Variants in KLHL29 observed in about 807,000 individuals in gnomAD.
The protein encoded by KLHL29 is kelch like family member 29.
KLHL29 carries 21 observed loss-of-function variants against 80.4 expected under a neutral mutation model. The observed-to-expected ratio is 0.26, with a 90% CI of 0.19 to 0.38. The LOEUF is 0.38. Ranked by LOEUF, KLHL29 falls within the 10% of genes least tolerant of loss-of-function variation. The pLI is 1.00. For synonymous variants in KLHL29, 511 were observed against 526.8 expected (o/e 0.97, Z 0.41); for missense variants, 867 against 1,223.9 (o/e 0.71, Z 4.35).
chr2:23,594,990 A>G (rs1190247715), intron 3 of KLHL29, among the ~76,000 whole-genome samples: 1 of 152,200 alleles, frequency 6.6e-6, no homozygotes, highest in African/African-American at 2.4e-5. Context: ...CACATAAATA[A>G]TATAGTTTTT....
intron 2 of KLHL29, among the ~76,000 whole-genome samples, chr2:23,555,890 G>A (rs1019177630): frequency 3.9e-5 from 6 of 152,252 alleles, no homozygotes; most frequent in Admixed American, 1.3e-4. Context: ...AGAGCTGGTG[G>A]ATGTGGCATT....
chr2:23,591,077 C>T (rs186377158), intron 3 of KLHL29, among the ~76,000 whole-genome samples: 154 of 152,204 alleles, frequency 1.0e-3, no homozygotes, highest in African/African-American at 3.4e-3. Context: ...AGCGCCAGGC[C>T]GGAAGGTGGG....
chr2:23,591,790 C>T (rs1253967538), intron 3 of KLHL29, among the ~76,000 whole-genome samples: 5 of 152,218 alleles, frequency 3.3e-5, no homozygotes, highest in African/African-American at 1.2e-4. Context: ...TTCCTCGTCG[C>T]GTTCCAACCT....
At chr2:23,564,717 G>A (rs1667545208) in intron 3 of KLHL29, among the ~76,000 whole-genome samples, 1 of 152,256 alleles carries the variant, frequency 6.6e-6, no homozygotes, top group African/African-American at 2.4e-5. Flanking sequence ...CCCGGGCCCA[G>A]GTATTTGCGG....
chr2:23,486,170 TA>T (rs1664928277), intron 2 of KLHL29, among the ~76,000 whole-genome samples: 1 of 152,122 alleles, frequency 6.6e-6, no homozygotes, highest in Non-Finnish European at 1.5e-5. Context: ...CAGTTCTCCA[TA>T]GGCCACAGCA....
rs757870784 is a variant in KLHL29, at chr2:23,642,745, C to T, written c.835C>T (p.Pro279Ser). 7.7e-6 allele frequency: 12 copies of T among 1,550,100 alleles called. No homozygotes were observed. In the Admixed American group the frequency reaches 9.8e-5, roughly 13 times the overall value. Residue 279 changes from proline to serine, a missense_variant, in exon 5 of 14, where the codon CCT becomes TCT. By Grantham distance (74) the Pro-to-Ser change is moderately conservative. Around this residue, in one of 2 missense-constraint regions of KLHL29, gnomAD observed 424 missense variants for 456.9 expected, o/e 0.93. Coordinates refer to ENST00000486442, the MANE Select transcript of KLHL29 (RefSeq NM_052920.2). ...QPSATLPSGA[P>S]ATNGPPTTDS... ...GTCCGCCACTCTCCCCAGTGGTGCC[C>T]CTGCCACCAATGGGCCCCCCACAAC...
intron 5 of KLHL29, among the ~76,000 whole-genome samples, chr2:23,678,005 C>G (rs750742961): frequency 6.6e-6 from 1 of 152,228 alleles, no homozygotes; most frequent in Non-Finnish European, 1.5e-5. Flanking sequence ...TTCTCTGCTG[C>G]AAAGCCACTG....
At chr2:23,658,908 G>C (rs1031906353) in intron 5 of KLHL29, among the ~76,000 whole-genome samples, 2 of 152,174 alleles carry the variant, frequency 1.3e-5, no homozygotes, top group Non-Finnish European at 2.9e-5. Flanking sequence ...CGGTTTTCTG[G>C]TCAGAATTCG....
At chr2:23,633,707 A>G (rs1263546911) in intron 3 of KLHL29, among the ~76,000 whole-genome samples, 1 of 149,468 alleles carries the variant, frequency 6.7e-6, no homozygotes, top group Non-Finnish European at 1.5e-5. Context: ...TAGGCCCAGG[A>G]CTGGCATAGT....
At chr2:23,650,780 A>G (rs1181922949) in intron 5 of KLHL29, among the ~76,000 whole-genome samples, 1 of 152,200 alleles carries the variant, frequency 6.6e-6, no homozygotes, top group Admixed American at 6.5e-5. Context: ...CTATTTAAAC[A>G]TCTGGCATCT....
rs6727860 is a variant in KLHL29, at chr2:23,509,177, T to G, written c.-46+33510T>G. 6.4e-3 allele frequency among the ~76,000 whole-genome samples: 972 copies of G among 152,282 alleles called. 12 individuals are homozygous for G. The highest frequency in any genetic ancestry group is 0.022 in the African/African-American group (915 of 41,556). ...AAGGGCTCAGGGCAGGAGCAGATGC[T>G]TCAGGCACCCGGGAAGACTGCGGCT... is the stretch of plus-strand genomic sequence containing the variant. On this transcript the variant is annotated intron_variant, in intron 2 of 13. Transcript: ENST00000486442.
At chr2:23,422,354 T>G in intron 1 of KLHL29, among the ~76,000 whole-genome samples, 1 of 151,780 alleles carries the variant, frequency 6.6e-6, no homozygotes. Flanking sequence ...CTTTGTGTGT[T>G]GTGTTTGTGT....
At chr2:23,509,095 A>G (rs1665693825) in intron 2 of KLHL29, among the ~76,000 whole-genome samples, 1 of 152,246 alleles carries the variant, frequency 6.6e-6, no homozygotes, top group Admixed American at 6.5e-5. Context: ...AACGTCCATC[A>G]GCTCCTTCAG....
intron 5 of KLHL29, among the ~76,000 whole-genome samples, chr2:23,679,641 C>T (rs1671020666): frequency 7.0e-6 from 1 of 143,076 alleles, no homozygotes; most frequent in African/African-American, 2.5e-5. Flanking sequence ...AGGCCCTGTG[C>T]TGAGTGTCGA....
intron 5 of KLHL29, among the ~76,000 whole-genome samples, chr2:23,664,567 C>G (rs1991083): frequency 6.6e-6 from 1 of 151,998 alleles, no homozygotes; most frequent in Admixed American, 6.6e-5. Flanking sequence ...GGCCAGGAGG[C>G]GGGGATAGAT....
chr2:23,604,480 T>G (rs1668655629), intron 3 of KLHL29, among the ~76,000 whole-genome samples: 1 of 152,176 alleles, frequency 6.6e-6, no homozygotes, highest in African/African-American at 2.4e-5. Context: ...GGGACGCAAG[T>G]GTCACAGGGG....
chr2:23,504,977 C>T (rs925927756), intron 2 of KLHL29, among the ~76,000 whole-genome samples: 1 of 152,218 alleles, frequency 6.6e-6, no homozygotes, highest in Non-Finnish European at 1.5e-5. Context: ...GATCTGCCCA[C>T]CTGCTGCCAT....
At chr2:23,570,309 T>C (rs995523752) in intron 3 of KLHL29, among the ~76,000 whole-genome samples, 4 of 152,208 alleles carry the variant, frequency 2.6e-5, no homozygotes, top group African/African-American at 9.7e-5. Flanking sequence ...CTTCTGGCAC[T>C]GTGAAAAGGA....
chr2:23,601,181 G>A (rs909332449), intron 3 of KLHL29, among the ~76,000 whole-genome samples: 9 of 152,122 alleles, frequency 5.9e-5, no homozygotes, highest in Admixed American at 2.0e-4. Context: ...CTCCAAGACC[G>A]CACAAAAAGG....
Sources: allele counts gnomAD v4.1 joint callset (sites outside exome capture counted in the v4.1 genomes callset), GRCh38; gene constraint gnomAD v4.1.1; regional missense constraint gnomAD v4.1.1; transcripts MANE v1.5; gene names NCBI Gene and HGNC (gene_info 2026-07-23, HGNC 2026-07-21).